The following PLCB1 variants were observed in gnomAD, a reference collection of about 807,000 sequenced individuals.
PLCB1 encodes phospholipase C beta 1.
In PLCB1, 46 loss-of-function variants were observed where a neutral mutation model predicts 161.8. The observed-to-expected ratio is 0.28, with a 90% CI of 0.22 to 0.36. PLCB1 has a LOEUF of 0.36. Among genes scored for constraint, PLCB1 ranks in the 10% least tolerant of loss-of-function variants. PLCB1 has a pLI of 1.00. For missense variants in PLCB1, 1,016 were observed against 1,472.5 expected (o/e 0.69, Z 5.07); for synonymous variants, 517 against 503.7 (o/e 1.03, Z -0.35).
chr20:8,443,661 G>A (rs757964004), intron 3 of PLCB1, among the ~76,000 whole-genome samples: 20 of 152,134 alleles, frequency 1.3e-4, no homozygotes, highest in Non-Finnish European at 1.3e-4. Flanking sequence ...GTGCTGTCAC[G>A]CTATTGGAGG....
chr20:8,832,838 G>A (rs988558497), intron 31 of PLCB1, among the ~76,000 whole-genome samples: 11 of 152,122 alleles, frequency 7.2e-5, no homozygotes, highest in African/African-American at 1.4e-4. Flanking sequence ...GGAACCCTGC[G>A]AGGGTTTAGT....
intron 23 of PLCB1, among the ~76,000 whole-genome samples, chr20:8,753,569 C>G (rs564170835): frequency 6.6e-6 from 1 of 152,114 alleles, no homozygotes; most frequent in Admixed American, 6.6e-5. Flanking sequence ...CCTGGCCCAC[C>G]GAGTTCCCAG....
At chr20:8,680,365 A>G (rs1490893041) in intron 9 of PLCB1, among the ~76,000 whole-genome samples, 1 of 152,188 alleles carries the variant, frequency 6.6e-6, no homozygotes, top group Non-Finnish European at 1.5e-5. Flanking sequence ...ATTATGACAA[A>G]ACATCTGTAT....
At chr20:8,662,356 A>G (rs1485540905) in intron 9 of PLCB1, among the ~76,000 whole-genome samples, 2 of 125,586 alleles carry the variant, frequency 1.6e-5, no homozygotes, top group Non-Finnish European at 3.1e-5. Flanking sequence ...TATAATATGT[A>G]ATTATTTATT....
chr20:8,167,135 A>T (rs776848247), intron 2 of PLCB1, among the ~76,000 whole-genome samples: 53 of 152,100 alleles, frequency 3.5e-4, no homozygotes, highest in Non-Finnish European at 5.9e-4. Context: ...ACAGATTTGG[A>T]AAGTGAAGGG....
chr20:8,592,496 C>T (rs960660680), intron 3 of PLCB1, among the ~76,000 whole-genome samples: 5 of 152,276 alleles, frequency 3.3e-5, no homozygotes, highest in African/African-American at 4.8e-5. Context: ...GGCCAGCATA[C>T]GTGCCATTTT....
At chr20:8,614,957 T>A (rs1988006531) in intron 3 of PLCB1, among the ~76,000 whole-genome samples, 1 of 152,168 alleles carries the variant, frequency 6.6e-6, no homozygotes, top group African/African-American at 2.4e-5. Flanking sequence ...GAGCATGCAA[T>A]TAATTCATAT....
chr20:8,729,733 C>T (rs1980132720), intron 18 of PLCB1: 1 of 151,890 alleles, frequency 6.6e-6, no homozygotes, highest in Non-Finnish European at 1.5e-5. Flanking sequence ...TTTCTATTCC[C>T]TAAATTTCTT....
At chr20:8,404,465 G>GT (rs1434199302) in intron 3 of PLCB1, among the ~76,000 whole-genome samples, 1 of 152,202 alleles carries the variant, frequency 6.6e-6, no homozygotes, top group African/African-American at 2.4e-5. Flanking sequence ...AAAACACCTA[G>GT]TAGAGAGGAT....
chr20:8,622,924 G>T (rs1988225308), intron 3 of PLCB1, among the ~76,000 whole-genome samples: 1 of 147,916 alleles, frequency 6.8e-6, no homozygotes, highest in Non-Finnish European at 1.5e-5. Flanking sequence ...TTTTGAAATA[G>T]GTAATAGCAG....
intron 2 of PLCB1, among the ~76,000 whole-genome samples, chr20:8,306,121 A>C (rs1040306201): frequency 1.3e-5 from 2 of 151,386 alleles, no homozygotes; most frequent in African/African-American, 4.9e-5. Flanking sequence ...AAACACTCTC[A>C]GAGGATGTTT....
chr20:8,398,584 C>A (rs1978393313), intron 3 of PLCB1, among the ~76,000 whole-genome samples: 1 of 152,148 alleles, frequency 6.6e-6, no homozygotes, highest in Admixed American at 6.5e-5. Flanking sequence ...AGAGTTGACT[C>A]TCTAGTCTCT....
chr20:8,730,506 A>T (rs1980181152), intron 18 of PLCB1, among the ~76,000 whole-genome samples: 1 of 151,756 alleles, frequency 6.6e-6, no homozygotes, highest in Non-Finnish European at 1.5e-5. Flanking sequence ...TATAATATGG[A>T]TTAATACCTG....
intron 3 of PLCB1, among the ~76,000 whole-genome samples, chr20:8,515,720 A>T (rs1984078679): frequency 6.6e-6 from 1 of 152,178 alleles, no homozygotes; most frequent in South Asian, 2.1e-4. Context: ...TTTAACATCA[A>T]TGCATAACAA....
At chr20:8,803,542 C>G (rs1346356523) in intron 31 of PLCB1, among the ~76,000 whole-genome samples, 2 of 150,330 alleles carry the variant, frequency 1.3e-5, no homozygotes, top group Admixed American at 6.7e-5. Context: ...GTCCTCTCAA[C>G]AGTGATCATT....
chr20:8,515,950 A>G (rs1369011014), intron 3 of PLCB1, among the ~76,000 whole-genome samples: 1 of 152,186 alleles, frequency 6.6e-6, no homozygotes, highest in African/African-American at 2.4e-5. Flanking sequence ...ATGGCTGGGG[A>G]GGCCTCACAC....
chr20:8,658,123 C>T (rs1228723393), intron 8 of PLCB1, among the ~76,000 whole-genome samples: 4 of 152,012 alleles, frequency 2.6e-5, no homozygotes, highest in East Asian at 1.9e-4. Flanking sequence ...AACACTCAAA[C>T]GGGTTGTTTA....
chr20:8,612,908 T>A (rs1987942464), intron 3 of PLCB1, among the ~76,000 whole-genome samples: 1 of 152,114 alleles, frequency 6.6e-6, no homozygotes, highest in Admixed American at 6.6e-5. Flanking sequence ...GAATTTGGGG[T>A]TCTAACTAGA....
At chr20:8,302,227 T>A (rs998509248) in intron 2 of PLCB1, among the ~76,000 whole-genome samples, 3 of 152,218 alleles carry the variant, frequency 2.0e-5, no homozygotes, top group Non-Finnish European at 2.9e-5. Flanking sequence ...AACCTACTGT[T>A]TTAGATATAT....
Sources: allele counts gnomAD v4.1 joint callset (sites outside exome capture counted in the v4.1 genomes callset), GRCh38; gene constraint gnomAD v4.1.1; transcripts MANE v1.5; gene names NCBI Gene and HGNC (gene_info 2026-07-23, HGNC 2026-07-21).